The following GFM2 variants were observed in gnomAD, a reference collection of about 807,000 sequenced individuals.
GFM2 encodes GTP dependent ribosome recycling factor mitochondrial 2, also known as ribosome-releasing factor 2, mitochondrial.
GFM2 carries 72 observed loss-of-function variants against 95.4 expected under a neutral mutation model. The observed-to-expected ratio is 0.76, with a 90% confidence interval of 0.62 to 0.92. The LOEUF (loss-of-function observed/expected upper bound fraction) is 0.92. GFM2 is among the 40% of genes least tolerant of loss of function. The pLI is 0.00. For missense variants in GFM2, 825 were observed against 924.1 expected (o/e 0.89, Z 1.39); for synonymous variants, 276 against 317.5 (o/e 0.87, Z 1.39).
At chr5:74,727,353 T>C (rs1386754222) in intron 17 of GFM2, among the ~76,000 whole-genome samples, 1 of 152,176 alleles carries the variant, frequency 6.6e-6, no homozygotes, top group African/African-American at 2.4e-5. Context: ...TTATATCACA[T>C]ATGCATGTAT....
chr5:74,750,789 G>A (rs1037844481), intron 6 of GFM2, 122 bp from the exon 7 acceptor site: 5 of 665,166 alleles, frequency 7.5e-6, no homozygotes, highest in African/African-American at 7.4e-5. Flanking sequence ...ATATATAAAG[G>A]TATTGAAAGC....
At chr5:74,748,181 T>C (rs534221647) in intron 7 of GFM2, among the ~76,000 whole-genome samples, 1 of 152,356 alleles carries the variant, frequency 6.6e-6, no homozygotes, top group South Asian at 2.1e-4. Flanking sequence ...TTCTGATCTA[T>C]GAAATAGGAA....
intron 5 of GFM2, among the ~76,000 whole-genome samples, chr5:74,753,116 G>A (rs1743801562): frequency 6.6e-6 from 1 of 152,026 alleles, no homozygotes; most frequent in Non-Finnish European, 1.5e-5. Flanking sequence ...GCTACTCAAG[G>A]AGGCACCAGA....
intron 5 of GFM2, among the ~76,000 whole-genome samples, chr5:74,752,110 A>C (rs1360679943): frequency 6.6e-6 from 1 of 152,138 alleles, no homozygotes; most frequent in Non-Finnish European, 1.5e-5. Flanking sequence ...CTCATTACTA[A>C]ATTTTCCAAA....
intron 19 of GFM2, chr5:74,725,311 G>C (rs1414597337): frequency 1.4e-5 from 3 of 209,024 alleles, no homozygotes; most frequent in Admixed American, 5.6e-5. Context: ...CTCAAATCTG[G>C]CTTCTACTCA....
chr5:74,737,384 A>C (rs549574209), intron 14 of GFM2, among the ~76,000 whole-genome samples: 1 of 152,330 alleles, frequency 6.6e-6, no homozygotes, highest in African/African-American at 2.4e-5. Flanking sequence ...TATATAATTA[A>C]CCAGAATACC....
chr5:74,745,624 T>G, intron 10 of GFM2, 54 bp downstream of exon 10: 1 of 1,430,518 alleles, frequency 7.0e-7, no homozygotes, highest in East Asian at 2.3e-5. Context: ...TGACTATATT[T>G]TAAGATAAGT....
intron 15 of GFM2, among the ~76,000 whole-genome samples, chr5:74,735,853 C>G (rs1742807677): frequency 6.6e-6 from 1 of 152,160 alleles, no homozygotes; most frequent in Non-Finnish European, 1.5e-5. Flanking sequence ...GTGGCAGAGA[C>G]TACTAGCAGC....
At chr5:74,756,556 T>C (rs1199072709) in intron 5 of GFM2, among the ~76,000 whole-genome samples, 3 of 152,144 alleles carry the variant, frequency 2.0e-5, no homozygotes, top group African/African-American at 7.2e-5. Context: ...AATAGTGGGA[T>C]TGCTGGATCA....
At position 74,751,399 on chromosome 5, in the gene GFM2, T is replaced by C. The variant is rs1330374445; in HGVS notation, c.399A>G (p.Lys133=). ...TATCAATTAGATTGACTCTATAACCTTTCCAATCAAATGTAACAGCAGCTG... is the reference window on the plus strand; with the variant it reads ...TATCAATTAGATTGACTCTATAACCCTTCCAATCAAATGTAACAGCAGCTG... The part of the protein sequence containing the change: ...IQSAAVTFDW[K]GYRVNLIDTP... The change falls in exon 6 of 21, where the codon AAA becomes AAG. Residue 133 remains lysine, a synonymous_variant. Coordinates refer to ENST00000296805, the MANE Select transcript of GFM2 (RefSeq NM_032380.5). 1 of 1,613,018 alleles carries C rather than the reference T, an allele frequency of 6.2e-7. No individual in the cohort carries two copies. The highest frequency in any genetic ancestry group is 8.5e-7 in the Non-Finnish European group (1 of 1,179,070).
intron 6 of GFM2, among the ~76,000 whole-genome samples, 163 bp from the exon 7 acceptor site, chr5:74,750,830 T>G (rs1743662909): frequency 1.3e-5 from 2 of 152,240 alleles, no homozygotes; most frequent in South Asian, 4.2e-4. Flanking sequence ...ACACCCTCCA[T>G]AGCAGCACTG....
At chr5:74,763,061 T>C (rs963587179) in intron 2 of GFM2, among the ~76,000 whole-genome samples, 4 of 152,204 alleles carry the variant, frequency 2.6e-5, no homozygotes, top group Non-Finnish European at 5.9e-5. Context: ...AAAAAGGGTA[T>C]TATTATGTTT....
At chr5:74,733,651 A>G (rs1742687081) in intron 15 of GFM2, among the ~76,000 whole-genome samples, 1 of 152,210 alleles carries the variant, frequency 6.6e-6, no homozygotes, top group Non-Finnish European at 1.5e-5. Context: ...ATATCATGTA[A>G]GGTCTTGTAG....
At chr5:74,725,883 A>T (rs572302480) in intron 18 of GFM2, 58 bp downstream of exon 18, 195 of 1,499,802 alleles carry the variant, frequency 1.3e-4, no homozygotes, top group Non-Finnish European at 1.7e-4. Flanking sequence ...CTGTAATATA[A>T]GGAGTGATTA....
chr5:74,741,124 AT>A (rs1457149262), intron 11 of GFM2, among the ~76,000 whole-genome samples: 1 of 152,160 alleles, frequency 6.6e-6, no homozygotes, highest in Non-Finnish European at 1.5e-5. Context: ...TCCATGAAAA[AT>A]TTAAAAAGAT....
At chr5:74,764,405 A>G (rs1455594800) in intron 1 of GFM2, among the ~76,000 whole-genome samples, 1 of 152,228 alleles carries the variant, frequency 6.6e-6, no homozygotes, top group Non-Finnish European at 1.5e-5. Flanking sequence ...AGCTTGTCCA[A>G]CCCGTGGCCT....
chr5:74,741,865 A>T (rs1406141408), intron 10 of GFM2: 1 of 272,862 alleles, frequency 3.7e-6, no homozygotes, highest in Non-Finnish European at 6.8e-6. Flanking sequence ...ATCTTAATTA[A>T]ATGCTATCAG....
intron 10 of GFM2, among the ~76,000 whole-genome samples, chr5:74,742,530 T>C (rs1461848342): frequency 6.6e-6 from 1 of 152,232 alleles, no homozygotes; most frequent in Non-Finnish European, 1.5e-5. Context: ...TATATACTAG[T>C]GTATAATAAG....
chr5:74,757,322 G>A (rs1052197881), intron 5 of GFM2, among the ~76,000 whole-genome samples: 2 of 151,842 alleles, frequency 1.3e-5, no homozygotes, highest in Admixed American at 1.3e-4. Flanking sequence ...TACTATGAGA[G>A]CAAGATCTTG....
Sources: gnomAD v4.1 joint callset for allele counts (sites outside exome capture counted in the v4.1 genomes callset) on GRCh38, gnomAD v4.1.1 for gene constraint, MANE v1.5 for transcripts, NCBI Gene and HGNC (gene_info 2026-07-23, HGNC 2026-07-21) for gene names.